PLEKHH2: variants seen among roughly 807,000 people sequenced by gnomAD.
The protein encoded by PLEKHH2 is pleckstrin homology domain-containing family H member 2.
PLEKHH2 carries 129 observed loss-of-function variants against 187.9 expected under a neutral mutation model. The ratio of observed to expected loss-of-function variants is 0.69; its 90% CI spans 0.59 to 0.79. The LOEUF (loss-of-function observed/expected upper bound fraction) is 0.79. Ranked by LOEUF, PLEKHH2 falls within the 30% of genes least tolerant of loss-of-function variation. PLEKHH2 has a pLI of 0.00. For synonymous variants in PLEKHH2, 686 were observed against 605.6 expected, an observed-to-expected ratio of 1.13 and a Z score of -1.95; for missense variants, 2,076 against 1,751.2, an observed-to-expected ratio of 1.19 and a Z score of -3.31.
intron 28 of PLEKHH2, 57 bp from the exon 29 acceptor site, chr2:43,764,171 C>T (rs10205936): frequency 0.32 from 334,465 of 1,037,434 alleles, 60,568 homozygotes; most frequent in African/African-American, 0.72. Context: ...TAATTATTTT[C>T]CATCTCTCCT....
intron 27 of PLEKHH2, among the ~76,000 whole-genome samples, chr2:43,759,620 C>T (rs1441765047): frequency 2.6e-5 from 4 of 152,214 alleles, no homozygotes; most frequent in Non-Finnish European, 5.9e-5. Context: ...TCTGTTGAAA[C>T]ATGTCTCTTT....
intron 1 of PLEKHH2, among the ~76,000 whole-genome samples, chr2:43,637,817 G>A (rs1242611185): frequency 1.3e-5 from 2 of 152,204 alleles, no homozygotes; most frequent in Admixed American, 6.5e-5. Flanking sequence ...TCTCCGGGGC[G>A]AAACTTTAAA....
chr2:43,644,375 G>T (rs2104326116), intron 1 of PLEKHH2, among the ~76,000 whole-genome samples: 1 of 152,182 alleles, frequency 6.6e-6, no homozygotes, highest in Admixed American at 6.5e-5. Context: ...AGGAATAATG[G>T]TTTGTTGTCA....
chr2:43,724,893 G>A (rs1670662082), intron 16 of PLEKHH2, among the ~76,000 whole-genome samples: 1 of 152,140 alleles, frequency 6.6e-6, no homozygotes, highest in African/African-American at 2.4e-5. Flanking sequence ...CTCATTGTCT[G>A]GGGTAAATAC....
At chr2:43,684,802 A>G (rs1026875666) in intron 3 of PLEKHH2, among the ~76,000 whole-genome samples, 13 of 148,666 alleles carry the variant, frequency 8.7e-5, no homozygotes, top group Non-Finnish European at 1.3e-4. Context: ...TTTTAGACAT[A>G]CTGCTACTCC....
intron 2 of PLEKHH2, among the ~76,000 whole-genome samples, chr2:43,672,292 A>C (rs1052611678): frequency 1.3e-5 from 2 of 152,102 alleles, no homozygotes; most frequent in East Asian, 1.9e-4. Context: ...CTGGTTAGAG[A>C]GCTATCAATT....
rs1672602638 is a variant in PLEKHH2, at chr2:43,765,850, C to T, written c.*252C>T. The T allele has an allele frequency of 5.5e-6, 2 of 362,152 alleles. No individual in the cohort carries two copies. The highest frequency in any genetic ancestry group is 4.2e-5 in the East Asian group (1 of 23,686). 22.4% of individuals were successfully genotyped at this position (362,152 alleles called of 1,614,324 possible). A position where few individuals can be genotyped will look rare whatever the true frequency, so the allele number is the denominator to read the frequency against. Reference sequence around the variant, plus strand: ...ATGAGTAAGAATTCATCATTTTTTCCATCTCCCTTCTCCCTTGTCATCAGA... The same window carrying T: ...ATGAGTAAGAATTCATCATTTTTTCTATCTCCCTTCTCCCTTGTCATCAGA... On this transcript the variant is annotated 3_prime_UTR_variant, in exon 30 of 30. Coordinates refer to ENST00000282406, the MANE Select transcript of PLEKHH2 (RefSeq NM_172069.4).
At chr2:43,741,698 AT>A (rs1422991914) in intron 21 of PLEKHH2, among the ~76,000 whole-genome samples, 2 of 152,202 alleles carry the variant, frequency 1.3e-5, no homozygotes, top group African/African-American at 4.8e-5. Context: ...TTCATAATAC[AT>A]TGTGGGGCCT....
intron 2 of PLEKHH2, among the ~76,000 whole-genome samples, chr2:43,652,002 A>C (rs1666498081): frequency 1.3e-5 from 2 of 152,212 alleles, no homozygotes. Context: ...ACACCTGCAA[A>C]GTAAACTGAC....
rs1219296169 is a variant in PLEKHH2 at position 43,767,950 on chromosome 2, C to G, written c.*2352C>G. 1 of 152,722 alleles carries G rather than the reference C, an allele frequency of 6.5e-6. No individual in the cohort carries two copies. The highest frequency in any genetic ancestry group is 1.5e-5 in the Non-Finnish European group (1 of 68,024). 9.5% of individuals were successfully genotyped at this position (152,722 alleles called of 1,614,324 possible). ...TGTAATATTTGTCTCCTATCATTTTCTTCCCTTTCAGTCATAATAAATGAT... is the reference window on the plus strand; with the variant it reads ...TGTAATATTTGTCTCCTATCATTTTGTTCCCTTTCAGTCATAATAAATGAT... On this transcript the variant is annotated 3_prime_UTR_variant, in exon 30 of 30. Coordinates refer to ENST00000282406, the MANE Select transcript of PLEKHH2 (RefSeq NM_172069.4).
At chr2:43,742,690 G>C (rs751853483) in intron 21 of PLEKHH2, 51 bp from the exon 22 acceptor site, 7 of 1,338,054 alleles carry the variant, frequency 5.2e-6, no homozygotes, top group Non-Finnish European at 7.0e-6. Flanking sequence ...GCACATATTA[G>C]GTTGTCAATT....
intron 28 of PLEKHH2, among the ~76,000 whole-genome samples, chr2:43,762,648 C>T (rs1317159909): frequency 6.6e-6 from 1 of 152,140 alleles, no homozygotes; most frequent in Non-Finnish European, 1.5e-5. Flanking sequence ...TGGTTACATT[C>T]ATGAAATGAT....
At chr2:43,653,302 C>T (rs1280594810) in intron 2 of PLEKHH2, among the ~76,000 whole-genome samples, 1 of 152,068 alleles carries the variant, frequency 6.6e-6, no homozygotes, top group Non-Finnish European at 1.5e-5. Flanking sequence ...GAGGAAAAAA[C>T]AGTTCACATA....
intron 8 of PLEKHH2, among the ~76,000 whole-genome samples, chr2:43,703,561 G>A (rs1343685946): frequency 6.6e-6 from 1 of 152,148 alleles, no homozygotes. Context: ...TGGTGTTTAT[G>A]TGTAATCAAT....
chr2:43,731,699 A>T (rs1040934972), intron 19 of PLEKHH2, 97 bp downstream of exon 19: 3 of 778,668 alleles, frequency 3.9e-6, no homozygotes, highest in Non-Finnish European at 3.9e-6. Context: ...TGGGTTACAA[A>T]ATTTTACTCC....
chr2:43,730,844 CTCTTTA>C lies in PLEKHH2; in HGVS notation c.2831-638_2831-633del, dbSNP rs561907872. ...TGATTTTAGGAATGCCTTCAAGTTCCTCTTTATCTTTATATCTCTTTCTACTTTGGC... is the reference window on the plus strand; with the variant it reads ...TGATTTTAGGAATGCCTTCAAGTTCCTCTTTATATCTCTTTCTACTTTGGC... On this transcript the variant is annotated intron_variant, in intron 18 of 29. Transcript: ENST00000282406. 2.4e-3 allele frequency among the ~76,000 whole-genome samples: 364 copies of C among 152,286 alleles called. 1 individual carries two copies. Among genetic ancestry groups the C allele is most frequent in the African/African-American group, 8.3e-3 (346 of 41,558 alleles).
chr2:43,639,816 C>A (rs921221285), intron 1 of PLEKHH2, among the ~76,000 whole-genome samples: 1 of 152,032 alleles, frequency 6.6e-6, no homozygotes. Flanking sequence ...ACCACCATGC[C>A]TGGCTAATTT....
At chr2:43,682,527 G>T (rs146812426) in intron 3 of PLEKHH2, among the ~76,000 whole-genome samples, 8 of 151,966 alleles carry the variant, frequency 5.3e-5, no homozygotes, top group African/African-American at 2.4e-5. Context: ...GGCTGGTCTC[G>T]AACTCCTGAC....
At chr2:43,659,928 G>A (rs1270892996) in intron 2 of PLEKHH2, among the ~76,000 whole-genome samples, 1 of 152,006 alleles carries the variant, frequency 6.6e-6, no homozygotes, top group Non-Finnish European at 1.5e-5. Context: ...CACCCTTTTG[G>A]GTGTTTAGTT....
Sources: allele counts gnomAD v4.1 joint callset (sites outside exome capture counted in the v4.1 genomes callset), GRCh38; gene constraint gnomAD v4.1.1; transcripts MANE v1.5; gene names NCBI Gene and HGNC (gene_info 2026-07-23, HGNC 2026-07-21).